The following MUC21 variants were observed in gnomAD, a reference collection of about 807,000 sequenced individuals.
The protein encoded by MUC21 is mucin 21, cell surface associated.
In MUC21, 8 loss-of-function variants were observed where a neutral mutation model predicts 9.1. The observed-to-expected ratio is 0.88, with a 90% CI of 0.52 to 1.59. MUC21 has a LOEUF of 1.59. MUC21 is among the 40% of genes most tolerant of loss of function. MUC21 has a pLI of 0.00. For synonymous variants in MUC21, 189 were observed against 275.2 expected (o/e 0.69, Z 3.10); for missense variants, 478 against 694.2 (o/e 0.69, Z 3.50).
In MUC21 at chr6:30,985,924, C is replaced by T. The variant is rs555285431; in HGVS notation, c.62-313C>T. On this transcript the variant is annotated intron_variant, in intron 1 of 2. Coordinates refer to ENST00000376296, the MANE Select transcript of MUC21 (RefSeq NM_001010909.5). ...GCCTCCCGAGTAGCTGGAATTAATG[C>T]CCGGCTAATTTTGTATTTTTAGTAG... Among the ~76,000 whole-genome samples the T allele has an allele frequency of 1.1e-4, 17 of 152,138 alleles. No homozygotes were observed. In the South Asian group the frequency reaches 1.7e-3, roughly 15 times the overall value.
chr6:30,987,677 G>A lies in MUC21; in HGVS notation c.1502G>A (p.Cys501Tyr). The change falls in exon 2 of 3, where the codon TGT (cysteine) becomes TAT (tyrosine). Residue 501 changes from cysteine (C) to tyrosine (Y), a missense_variant. Cys to Tyr is a radical substitution (Grantham distance 194). This residue lies in a region of MUC21 where 158 missense variants were observed against 192.6 expected (regional missense o/e 0.82). Coordinates refer to ENST00000376296, the MANE Select transcript of MUC21 (RefSeq NM_001010909.5). The part of the protein sequence containing the change: ...AVGLFAGLFF[C>Y]VRNSLSLRNT... Reference sequence around the variant, plus strand: ...GGGCTCTTTGCTGGGCTCTTCTTCTGTGTGGTGAGTGCCTAATATGTAAGA... The same window carrying A: ...GGGCTCTTTGCTGGGCTCTTCTTCTATGTGGTGAGTGCCTAATATGTAAGA... 6.2e-7 allele frequency: 1 copy of A among 1,612,820 alleles called. No individual in the cohort carries two copies. Among genetic ancestry groups the A allele is most frequent in the Admixed American group, 1.7e-5 (1 of 59,898 alleles).
chr6:30,986,316 C>T lies in MUC21; in HGVS notation c.141C>T (p.Asn47=), dbSNP rs1218435797. Reference sequence around the variant, plus strand: ...CCAGTGGAGCCAGCACAGCCACCAACTCTGGGTCCAGTGTGACCTCCAGTG... The same window carrying T: ...CCAGTGGAGCCAGCACAGCCACCAATTCTGGGTCCAGTGTGACCTCCAGTG... ...VISSGASTAT[N]SGSSVTSSGV... is the part of the protein sequence containing the mutation. Residue 47 remains asparagine (N), a synonymous_variant, in exon 2 of 3, where the codon AAC becomes AAT. Transcript: ENST00000376296. 6.2e-7 allele frequency: 1 copy of T among 1,613,892 alleles called. No individual in the cohort carries two copies. The highest frequency in any genetic ancestry group is 1.7e-5 in the Admixed American group (1 of 59,972).
chr6:30,988,015 C>G lies in MUC21; in HGVS notation c.1522C>G (p.Leu508Val). The G allele has an allele frequency of 8.0e-7, 1 of 1,248,406 alleles. No individual in the cohort carries two copies. Among genetic ancestry groups the G allele is most frequent in the South Asian group, 1.2e-5 (1 of 83,786 alleles). The allele number at this position is 1,248,406 out of a possible 1,614,324, so 77.3% of individuals were successfully genotyped here. ...CTTTTTTTAGAGAAACAGCCTGTCC[C>G]TGAGAAACACCTTTAACACAGCTGT... ...LFFCVRNSLS[L>V]RNTFNTAVYH... The change falls in exon 3 of 3, where the codon CTG (leucine) becomes GTG (valine). Residue 508 changes from leucine to valine, a missense_variant. Transcript: ENST00000376296.
chr6:30,987,053 C>A lies in MUC21; in HGVS notation c.878C>A (p.Pro293His). The A allele has an allele frequency of 6.2e-7, 1 of 1,603,020 alleles. No homozygotes were observed. The highest frequency in any genetic ancestry group is 2.3e-5 in the East Asian group (1 of 44,426). The change falls in exon 2 of 3, where the codon CCC becomes CAC. Residue 293 changes from proline to histidine, a missense_variant. Physicochemically the swap from Pro to His is moderately conservative, Grantham distance 77. Around this residue, in one of 5 missense-constraint regions of MUC21, gnomAD observed 155 missense variants for 235.2 expected, o/e 0.66. Transcript: ENST00000376296. ...GTCACCAATTCTGAGTCCAGCACAC[C>A]CTCCAGTGGGGCCAACACAGCCACC... ...STVTNSESST[P>H]SSGANTATNS...
At position 30,987,429 on chromosome 6, in the gene MUC21, C is replaced by A; in HGVS notation, c.1254C>A (p.Ser418Arg). The A allele has an allele frequency of 6.3e-7, 1 of 1,599,510 alleles. No individual in the cohort carries two copies. The highest frequency in any genetic ancestry group is 1.1e-5 in the South Asian group (1 of 90,142). ...SESSTVSSGA[S>R]TATNSESSTT... Reference sequence around the variant, plus strand: ...CCAGCACAGTGTCCAGTGGGGCCAGCACTGCCACCAATTCTGAGTCCAGCA... The same window carrying A: ...CCAGCACAGTGTCCAGTGGGGCCAGAACTGCCACCAATTCTGAGTCCAGCA... The change falls in exon 2 of 3, where the codon AGC (serine) becomes AGA (arginine). Residue 418 changes from serine to arginine, a missense_variant. Transcript: ENST00000376296.
Position 30,987,045 on chromosome 6 carries a change from C to T in MUC21, c.870C>T (p.Ser290=), listed in dbSNP as rs201865378. 6.2e-7 allele frequency: 1 copy of T among 1,606,426 alleles called. No homozygotes were observed. The highest frequency in any genetic ancestry group is 2.2e-5 in the East Asian group (1 of 44,574). ...SGISTVTNSE[S]STPSSGANTA... is the part of the protein sequence containing the mutation. ...TCAGCACAGTCACCAATTCTGAGTC[C>T]AGCACACCCTCCAGTGGGGCCAACA... The change falls in exon 2 of 3, where the codon TCC becomes TCT. Residue 290 remains serine, a synonymous_variant. Coordinates refer to ENST00000376296, the MANE Select transcript of MUC21 (RefSeq NM_001010909.5).
In MUC21 at chr6:30,989,613, G is replaced by A. The variant is rs73393926; in HGVS notation, c.*1419G>A. 0.048 allele frequency: 7,310 copies of A among 152,254 alleles called. 248 individuals carry two copies. Among genetic ancestry groups the A allele is most frequent in the African/African-American group, 0.089 (3,708 of 41,496 alleles). The allele number at this position is 152,254 out of a possible 1,614,324, so 9.4% of individuals were successfully genotyped here. ...TTACAGGTGTGAGCCACTGCACCTCGCCAGATGTCCAATGTCTGACTCCTG... is the reference window on the plus strand; with the variant it reads ...TTACAGGTGTGAGCCACTGCACCTCACCAGATGTCCAATGTCTGACTCCTG... On this transcript the variant is annotated 3_prime_UTR_variant, in exon 3 of 3. Transcript: ENST00000376296.
chr6:30,986,083 G>A lies in MUC21; in HGVS notation c.62-154G>A, dbSNP rs1013650436. The A allele has an allele frequency of 8.9e-6, 7 of 785,798 alleles. No individual in the cohort carries two copies. In the East Asian group the frequency reaches 1.1e-4, roughly 12 times the overall value. The allele number at this position is 785,798 out of a possible 1,614,324, so 48.7% of individuals were successfully genotyped here. Reference sequence around the variant, plus strand: ...CCCAGCCCAGTATCAACATTTTGAAGCCTCAATTTCTTCATCTCAGCTGGT... The same window carrying A: ...CCCAGCCCAGTATCAACATTTTGAAACCTCAATTTCTTCATCTCAGCTGGT... On this transcript the variant is annotated intron_variant, in intron 1 of 2. Coordinates refer to ENST00000376296, the MANE Select transcript of MUC21 (RefSeq NM_001010909.5).
At chr6:30,985,889 T>G (rs1193525381) in intron 1 of MUC21, among the ~76,000 whole-genome samples, 1 of 152,212 alleles carries the variant, frequency 6.6e-6, no homozygotes, top group African/African-American at 2.4e-5. Context: ...CAAGTGATTC[T>G]CCTGCCTCAG....
rs1762453366 is a variant in MUC21 at position 30,987,918 on chromosome 6, G to A, written c.1507-82G>A. On this transcript the variant is annotated intron_variant, in intron 2 of 2. Transcript: ENST00000376296. ...AGGTAAAGAGTGTGGTTGGAAGTGG[G>A]AGAAGATTCCAGAAGGCGTACGTGG... The A allele has an allele frequency of 3.0e-6, 3 of 1,013,586 alleles. No individual in the cohort carries two copies. In the Admixed American group the frequency reaches 5.7e-5, roughly 19 times the overall value. The allele number at this position is 1,013,586 out of a possible 1,614,324, so 62.8% of individuals were successfully genotyped here.
At chr6:30,985,463 A>T (rs2530699) in intron 1 of MUC21, among the ~76,000 whole-genome samples, 22,522 of 152,216 alleles carry the variant, frequency 0.15, 1,758 homozygotes, top group Admixed American at 0.2. Context: ...GTAATTCTGA[A>T]ATAAGTGTGT....
In MUC21 at chr6:30,987,270, C is replaced by T. The variant is rs777290031; in HGVS notation, c.1095C>T (p.Ser365=). 5.8e-6 allele frequency: 9 copies of T among 1,563,942 alleles called. 1 individual carries two copies. The African/African-American group carries it at 1.3e-4, about 22-fold the overall frequency. Reference sequence around the variant, plus strand: ...CCAGCACAGCCACCAACTCTGGGTCCAGCACGACCTCCAGTGGGACCAGCA... The same window carrying T: ...CCAGCACAGCCACCAACTCTGGGTCTAGCACGACCTCCAGTGGGACCAGCA... ...SGASTATNSG[S]STTSSGTSTA... is the part of the protein sequence containing the mutation. Residue 365 remains serine (S), a synonymous_variant, in exon 2 of 3, where the codon TCC becomes TCT. Transcript: ENST00000376296.
rs1762517042 is a variant in MUC21, at chr6:30,989,076, G to A, written c.*882G>A. Reference sequence around the variant, plus strand: ...CCTCCAGGTCTTGGAAGACAGAGGGGAGCTGCTTTAGAGGCTAAGTTGCTT... The same window carrying A: ...CCTCCAGGTCTTGGAAGACAGAGGGAAGCTGCTTTAGAGGCTAAGTTGCTT... On this transcript the variant is annotated 3_prime_UTR_variant, in exon 3 of 3. Transcript: ENST00000376296. The A allele has an allele frequency of 6.7e-6, 1 of 149,214 alleles. No homozygotes were observed. Among genetic ancestry groups the A allele is most frequent in the South Asian group, 2.2e-4 (1 of 4,650 alleles). 9.2% of individuals were successfully genotyped at this position (149,214 alleles called of 1,614,324 possible).
rs915308142 is a variant in MUC21, at chr6:30,987,987, C to T, written c.1507-13C>T. On this transcript the variant is annotated splice_polypyrimidine_tract_variant and intron_variant, in intron 2 of 2. Transcript: ENST00000376296. ...GGATGCAATTCTGAAACTATTGACT[C>T]TTCTTTTTTTAGAGAAACAGCCTGT... 2 of 1,093,950 alleles carry T rather than the reference C, an allele frequency of 1.8e-6. No individual in the cohort carries two copies. Among genetic ancestry groups the T allele is most frequent in the Admixed American group, 1.7e-5 (1 of 59,090 alleles). The allele number at this position is 1,093,950 out of a possible 1,614,324, so 67.8% of individuals were successfully genotyped here.
At position 30,989,672 on chromosome 6, in the gene MUC21, A is replaced by G. The variant is rs1040221526; in HGVS notation, c.*1478A>G. ...GGTGTTCTGTATCAAGGGCTTTAAA[A>G]CAATGCCTGTAGCGTAATTAACCTC... On this transcript the variant is annotated 3_prime_UTR_variant, in exon 3 of 3. Transcript: ENST00000376296. 6.6e-6 allele frequency: 1 copy of G among 152,276 alleles called. No homozygotes were observed. The highest frequency in any genetic ancestry group is 1.5e-5 in the Non-Finnish European group (1 of 68,058). 9.4% of individuals were successfully genotyped at this position (152,276 alleles called of 1,614,324 possible). A position where few individuals can be genotyped will look rare whatever the true frequency, so the allele number is the denominator to read the frequency against.
At chr6:30,984,996 C>CAATAAAATGA (rs1762188719) in intron 1 of MUC21, among the ~76,000 whole-genome samples, 1 of 142,814 alleles carries the variant, frequency 7.0e-6, no homozygotes, top group Non-Finnish European at 1.5e-5. Context: ...AATAAATAAG[C>CAATAAAATGA]AATAAAATAA....
rs1762537710 is a variant in MUC21 at position 30,989,546 on chromosome 6, C to T, written c.*1352C>T. 1 of 152,180 alleles carries T rather than the reference C, an allele frequency of 6.6e-6. No individual in the cohort carries two copies. 9.4% of individuals were successfully genotyped at this position (152,180 alleles called of 1,614,324 possible). ...CACAAGCTGGTCTTGAACTCCTGGCCTCCTTGAACTCCTCCTGCCTTGGCC... is the reference window on the plus strand; with the variant it reads ...CACAAGCTGGTCTTGAACTCCTGGCTTCCTTGAACTCCTCCTGCCTTGGCC... On this transcript the variant is annotated 3_prime_UTR_variant, in exon 3 of 3. Coordinates refer to ENST00000376296, the MANE Select transcript of MUC21 (RefSeq NM_001010909.5).
chr6:30,987,122 C>G lies in MUC21; in HGVS notation c.947C>G (p.Thr316Ser). The change falls in exon 2 of 3, where the codon ACC (threonine) becomes AGC (serine). Residue 316 changes from threonine to serine, a missense_variant. By Grantham distance (58) the Thr-to-Ser change is moderately conservative. Around this residue, in one of 5 missense-constraint regions of MUC21, gnomAD observed 155 missense variants for 235.2 expected, o/e 0.66. Transcript: ENST00000376296. Reference protein sequence around the residue: ...STTSSGANTATNSDSSTTSSG... With the variant: ...STTSSGANTASNSDSSTTSSG... Reference sequence around the variant, plus strand: ...ACCTCCAGTGGGGCCAACACAGCCACCAACTCTGACTCCAGCACAACCTCC... The same window carrying G: ...ACCTCCAGTGGGGCCAACACAGCCAGCAACTCTGACTCCAGCACAACCTCC... 2.5e-6 allele frequency: 4 copies of G among 1,577,390 alleles called. No homozygotes were observed. Among genetic ancestry groups the G allele is most frequent in the Non-Finnish European group, 3.5e-6 (4 of 1,154,716 alleles).
In MUC21 at chr6:30,987,296, C is replaced by T. The variant is rs1349031722; in HGVS notation, c.1121C>T (p.Thr374Ile). ...AGCACGACCTCCAGTGGGACCAGCA[C>T]AGCCACCAACTCTGAGTCCAGCACA... ...GSSTTSSGTSTATNSESSTVS... is the reference protein window; with the variant it reads ...GSSTTSSGTSIATNSESSTVS... The change falls in exon 2 of 3, where the codon ACA becomes ATA. Residue 374 changes from threonine (T) to isoleucine (I), a missense_variant. Transcript: ENST00000376296. 1 of 1,569,134 alleles carries T rather than the reference C, an allele frequency of 6.4e-7. No individual in the cohort carries two copies. The highest frequency in any genetic ancestry group is 8.7e-7 in the Non-Finnish European group (1 of 1,150,446).
Sources: gnomAD v4.1 joint callset for allele counts (sites outside exome capture counted in the v4.1 genomes callset) on GRCh38, gnomAD v4.1.1 for gene constraint, gnomAD v4.1.1 regional missense constraint, MANE v1.5 for transcripts, NCBI Gene and HGNC (gene_info 2026-07-23, HGNC 2026-07-21) for gene names.